Variants in COMMD1 observed in about 807,000 individuals in gnomAD.
COMMD1 encodes COMM domain-containing protein 1.
COMMD1 carries 10 observed loss-of-function variants against 17.2 expected under a neutral mutation model. That is an observed-to-expected ratio of 0.58 (90% CI 0.36 to 0.99). The LOEUF is 0.99. Ranked by LOEUF, COMMD1 falls within the 50% of genes least tolerant of loss-of-function variation. The probability of loss-of-function intolerance (pLI) is 0.01; values close to 1 mark genes in which losing one functional copy is unlikely to be tolerated. For missense variants in COMMD1, 270 were observed against 231.8 expected (o/e 1.17, Z -1.07); for synonymous variants, 97 against 91.6 (o/e 1.06, Z -0.34).
chr2:61,984,177 AC>A (rs1364665026), intron 1 of COMMD1, among the ~76,000 whole-genome samples: 1 of 152,134 alleles, frequency 6.6e-6, no homozygotes, highest in Admixed American at 6.6e-5. Context: ...GGCGTGTGCC[AC>A]CACACCCAGC....
At chr2:61,894,492 A>G (rs1669509815) in intron 1 of COMMD1, among the ~76,000 whole-genome samples, 1 of 151,958 alleles carries the variant, frequency 6.6e-6, no homozygotes, top group East Asian at 1.9e-4. Flanking sequence ...CCAACTACCA[A>G]TGTATGGGTT....
intron 2 of COMMD1, among the ~76,000 whole-genome samples, chr2:62,012,812 A>G (rs1389008718): frequency 7.9e-5 from 12 of 152,322 alleles, no homozygotes; most frequent in Non-Finnish European, 1.6e-4. Flanking sequence ...TGTCAGACTC[A>G]TCTGAGGAGC....
chr2:61,972,652 A>T (rs1487038700), intron 1 of COMMD1, among the ~76,000 whole-genome samples: 2 of 152,212 alleles, frequency 1.3e-5, no homozygotes, highest in Non-Finnish European at 2.9e-5. Flanking sequence ...CCCAAAACAC[A>T]TAACCTTTGT....
chr2:62,074,150 C>T (rs1393446767), intron 2 of COMMD1, among the ~76,000 whole-genome samples: 1 of 152,202 alleles, frequency 6.6e-6, no homozygotes, highest in East Asian at 1.9e-4. Context: ...GCACATCACC[C>T]TCCCATCACA....
chr2:62,025,587 C>T (rs1413858870), intron 2 of COMMD1, among the ~76,000 whole-genome samples: 3 of 152,060 alleles, frequency 2.0e-5, no homozygotes, highest in Non-Finnish European at 2.9e-5. Context: ...AAGTAGAGAA[C>T]GGATGCTAAG....
At chr2:61,979,476 C>T (rs1671896950) in intron 1 of COMMD1, among the ~76,000 whole-genome samples, 1 of 151,946 alleles carries the variant, frequency 6.6e-6, no homozygotes, top group South Asian at 2.1e-4. Context: ...GACTCCATCT[C>T]AAAAAAACAA....
chr2:61,999,307 G>A (rs945404352), intron 1 of COMMD1, among the ~76,000 whole-genome samples: 6 of 152,190 alleles, frequency 3.9e-5, no homozygotes, highest in Non-Finnish European at 7.4e-5. Context: ...CTTCTTGGAT[G>A]CTGGAATAGA....
intron 1 of COMMD1, among the ~76,000 whole-genome samples, chr2:61,907,568 T>C (rs1669804170): frequency 6.6e-6 from 1 of 152,176 alleles, no homozygotes; most frequent in Non-Finnish European, 1.5e-5. Context: ...TAGGTAATGC[T>C]TTAGAATCTC....
chr2:62,063,791 C>A (rs530554596), intron 2 of COMMD1, among the ~76,000 whole-genome samples: 1 of 147,760 alleles, frequency 6.8e-6, no homozygotes, highest in Non-Finnish European at 1.5e-5. Flanking sequence ...AATTCTATTT[C>A]GCTTTTTTTT....
chr2:61,908,309 C>G (rs904519143), intron 1 of COMMD1, among the ~76,000 whole-genome samples: 1 of 151,752 alleles, frequency 6.6e-6, no homozygotes, highest in African/African-American at 2.4e-5. Context: ...TCACTACAAC[C>G]TCCACCTCCC....
At chr2:62,054,256 A>G (rs1183985946) in intron 2 of COMMD1, among the ~76,000 whole-genome samples, 3 of 152,232 alleles carry the variant, frequency 2.0e-5, no homozygotes, top group Non-Finnish European at 4.4e-5. Context: ...AAATTAGCAC[A>G]TCCTTGGAGA....
chr2:62,006,118 T>G (rs1209591175), intron 2 of COMMD1, among the ~76,000 whole-genome samples: 1 of 144,564 alleles, frequency 6.9e-6, no homozygotes, highest in African/African-American at 2.6e-5. Context: ...CACCGCATGT[T>G]CTCACTCATA....
At chr2:61,985,340 G>T (rs1310331776) in intron 1 of COMMD1, among the ~76,000 whole-genome samples, 1 of 152,056 alleles carries the variant, frequency 6.6e-6, no homozygotes. Flanking sequence ...ATGAGCCACC[G>T]CACCCGGCCC....
intron 1 of COMMD1, among the ~76,000 whole-genome samples, chr2:61,943,799 C>T (rs1274343712): frequency 6.6e-6 from 1 of 152,184 alleles, no homozygotes; most frequent in Non-Finnish European, 1.5e-5. Flanking sequence ...CCCGCCATTG[C>T]ACTCCAGCCT....
At chr2:61,973,180 A>G (rs780492259) in intron 1 of COMMD1, among the ~76,000 whole-genome samples, 5 of 152,142 alleles carry the variant, frequency 3.3e-5, no homozygotes, top group Non-Finnish European at 4.4e-5. Flanking sequence ...GGTTAATTCT[A>G]ATTTGTTGCT....
chr2:62,018,645 A>G (rs1669520668), intron 2 of COMMD1, among the ~76,000 whole-genome samples: 1 of 152,222 alleles, frequency 6.6e-6, no homozygotes, highest in Non-Finnish European at 1.5e-5. Flanking sequence ...TTTGATATAT[A>G]TGTACATTAT....
chr2:61,905,632 G>T (rs755552771), upstream of COMMD1: 32 of 1,489,780 alleles, frequency 2.1e-5, no homozygotes, highest in Non-Finnish European at 2.7e-5. Context: ...CTCGGCCGCC[G>T]TGGCGGGGCA....
At chr2:61,898,373 G>T (rs1473070378) in intron 1 of COMMD1, among the ~76,000 whole-genome samples, 1 of 152,170 alleles carries the variant, frequency 6.6e-6, no homozygotes, top group South Asian at 2.1e-4. Context: ...CTATGCGGGA[G>T]GTTGAGGCAG....
chr2:61,902,806 C>A (rs1055944348), upstream of COMMD1, among the ~76,000 whole-genome samples: 1 of 151,708 alleles, frequency 6.6e-6, no homozygotes, highest in Admixed American at 6.6e-5. Flanking sequence ...CATCGTGCCA[C>A]TGCACTCCAG....
Sources: gnomAD v4.1 joint callset for allele counts (sites outside exome capture counted in the v4.1 genomes callset) on GRCh38, gnomAD v4.1.1 for gene constraint, MANE v1.5 for transcripts, NCBI Gene and HGNC (gene_info 2026-07-23, HGNC 2026-07-21) for gene names.